DGKI: variants seen among roughly 807,000 people sequenced by gnomAD.
The protein encoded by DGKI is diacylglycerol kinase iota.
DGKI carries 55 observed loss-of-function variants against 147.5 expected under a neutral mutation model. That is an observed-to-expected ratio of 0.37 (90% CI 0.30 to 0.47). The LOEUF is 0.47. DGKI is among the 20% of genes least tolerant of loss of function. The probability of loss-of-function intolerance (pLI) is 1.00; values close to 1 mark genes in which losing one functional copy is unlikely to be tolerated. For missense variants in DGKI, 1,007 were observed against 1,323.8 expected, an observed-to-expected ratio of 0.76 and a Z score of 3.71; for synonymous variants, 469 against 477.1, an observed-to-expected ratio of 0.98 and a Z score of 0.22.
intron 6 of DGKI, among the ~76,000 whole-genome samples, chr7:137,637,242 A>G (rs1349919207): frequency 1.3e-5 from 2 of 152,222 alleles, no homozygotes; most frequent in Admixed American, 1.3e-4. Context: ...AGATCACTCA[A>G]TAAACTTCAT....
intron 5 of DGKI, among the ~76,000 whole-genome samples, chr7:137,652,079 T>C (rs1374940907): frequency 1.3e-5 from 2 of 152,170 alleles, no homozygotes; most frequent in African/African-American, 2.4e-5. Context: ...AACTGAGAAT[T>C]AGAGCAGTAG....
intron 1 of DGKI, among the ~76,000 whole-genome samples, chr7:137,814,232 G>A (rs774639095): frequency 3.9e-5 from 6 of 152,056 alleles, no homozygotes; most frequent in Non-Finnish European, 7.4e-5. Flanking sequence ...CTAACAGCAG[G>A]GCTCTCCATT....
chr7:137,738,978 C>T (rs1048748342), intron 1 of DGKI, among the ~76,000 whole-genome samples: 2 of 152,116 alleles, frequency 1.3e-5, no homozygotes, highest in African/African-American at 4.8e-5. Flanking sequence ...ATGGACACCT[C>T]CTCTACCTAA....
chr7:137,808,959 C>T (rs901652475), intron 1 of DGKI, among the ~76,000 whole-genome samples: 2 of 152,118 alleles, frequency 1.3e-5, no homozygotes, highest in Non-Finnish European at 2.9e-5. Flanking sequence ...TTCTCAAACT[C>T]CACACCCCCC....
At chr7:137,394,564 C>T (rs184382667) in intron 32 of DGKI, among the ~76,000 whole-genome samples, 2 of 152,284 alleles carry the variant, frequency 1.3e-5, no homozygotes, top group East Asian at 1.9e-4. Context: ...TTAAACAACT[C>T]GTGGTGCAGC....
intron 12 of DGKI, among the ~76,000 whole-genome samples, chr7:137,590,596 G>T (rs537081448): frequency 6.6e-6 from 1 of 152,326 alleles, no homozygotes; most frequent in African/African-American, 2.4e-5. Flanking sequence ...CAGATGGAAC[G>T]TTAGGGGGTT....
At chr7:137,578,464 C>T in intron 15 of DGKI, 139 bp from the exon 16 acceptor site, 1 of 654,530 alleles carries the variant, frequency 1.5e-6, no homozygotes, top group Non-Finnish European at 2.8e-6. Context: ...ATCTTTCCCC[C>T]AGTTCCAGGC....
intron 1 of DGKI, among the ~76,000 whole-genome samples, chr7:137,770,911 T>C (rs1168752350): frequency 6.6e-6 from 1 of 152,138 alleles, no homozygotes; most frequent in African/African-American, 2.4e-5. Flanking sequence ...AGTCTTGAAG[T>C]GAACCAAAAA....
intron 12 of DGKI, among the ~76,000 whole-genome samples, chr7:137,591,759 C>T (rs144156930): frequency 6.6e-6 from 1 of 152,314 alleles, no homozygotes; most frequent in Non-Finnish European, 1.5e-5. Context: ...GCTAAACTAA[C>T]ATTAGCTACT....
At chr7:137,472,105 G>A (rs1401287516) in intron 23 of DGKI, among the ~76,000 whole-genome samples, 2 of 115,710 alleles carry the variant, frequency 1.7e-5, no homozygotes, top group African/African-American at 7.4e-5. Flanking sequence ...ACATATATGT[G>A]TATATATACA....
chr7:137,818,615 G>A (rs1797806814), intron 1 of DGKI, among the ~76,000 whole-genome samples: 1 of 152,062 alleles, frequency 6.6e-6, no homozygotes, highest in South Asian at 2.1e-4. Flanking sequence ...CTAATTTTTT[G>A]TATTTTTGGT....
chr7:137,477,044 C>T (rs1475294369), intron 23 of DGKI, among the ~76,000 whole-genome samples: 2 of 152,208 alleles, frequency 1.3e-5, no homozygotes, highest in East Asian at 3.8e-4. Context: ...TCTCATTCTA[C>T]TCTAGTCAAG....
chr7:137,647,117 T>C (rs1821852704), intron 5 of DGKI, among the ~76,000 whole-genome samples: 1 of 152,222 alleles, frequency 6.6e-6, no homozygotes, highest in Non-Finnish European at 1.5e-5. Flanking sequence ...CTAATTATAA[T>C]AGCTAACACT....
intron 6 of DGKI, among the ~76,000 whole-genome samples, chr7:137,635,392 G>A (rs116831411): frequency 0.014 from 2,198 of 152,230 alleles, 30 homozygotes; most frequent in South Asian, 0.036. Flanking sequence ...AAGCCCCTCC[G>A]CTTTAGAAGG....
chr7:137,779,118 G>T (rs143064195), intron 1 of DGKI, among the ~76,000 whole-genome samples: 1 of 152,112 alleles, frequency 6.6e-6, no homozygotes, highest in African/African-American at 2.4e-5. Flanking sequence ...AACCTACAGG[G>T]TGTTATTGGC....
intron 8 of DGKI, among the ~76,000 whole-genome samples, chr7:137,611,593 C>T (rs1325823421): frequency 6.6e-6 from 1 of 152,116 alleles, no homozygotes; most frequent in African/African-American, 2.4e-5. Context: ...TCTGAAATAA[C>T]AGTTTCTTAA....
rs969056480 is a variant in DGKI, at chr7:137,413,182, G to C, written c.2762-975C>G. Among the ~76,000 whole-genome samples, 3 of 149,276 alleles carry C rather than the reference G, an allele frequency of 2.0e-5. No homozygotes were observed. In the East Asian group the frequency reaches 6.0e-4, roughly 30 times the overall value. On this transcript the variant is annotated intron_variant, in intron 28 of 32. Coordinates refer to ENST00000614521, the MANE Select transcript of DGKI (RefSeq NM_001321708.2). ...CTCGGGAGGCTGAGGCAGGAGAATT[G>C]CTTGAATTCGAGAGGTGGAGTTGCA... is the stretch of plus-strand genomic sequence containing the variant.
chr7:137,492,342 G>C (rs1043935958), intron 21 of DGKI, among the ~76,000 whole-genome samples: 1 of 152,116 alleles, frequency 6.6e-6, no homozygotes, highest in African/African-American at 2.4e-5. Flanking sequence ...GAGAGACCAG[G>C]ACATCAGGAA....
chr7:137,746,380 T>C (rs570982953), intron 1 of DGKI, among the ~76,000 whole-genome samples: 2 of 152,262 alleles, frequency 1.3e-5, no homozygotes, highest in East Asian at 3.9e-4. Context: ...GATAGGCTAT[T>C]GGTCCCCATG....
Sources: allele counts gnomAD v4.1 joint callset (sites outside exome capture counted in the v4.1 genomes callset), GRCh38; gene constraint gnomAD v4.1.1; transcripts MANE v1.5; gene names NCBI Gene and HGNC (gene_info 2026-07-23, HGNC 2026-07-21).